Variants in USP53 observed in about 807,000 individuals in gnomAD.
USP53 encodes ubiquitin specific peptidase 53.
A neutral mutation model predicts 94.9 loss-of-function variants in USP53; 71 were observed. The observed-to-expected ratio is 0.75, with a 90% CI of 0.62 to 0.91. The LOEUF is 0.91. Ranked by LOEUF, USP53 falls within the 40% of genes least tolerant of loss-of-function variation. The pLI is 0.00. For missense variants in USP53, 1,173 were observed against 1,281.0 expected (o/e 0.92, Z 1.29); for synonymous variants, 375 against 422.7 (o/e 0.89, Z 1.39).
intron 13 of USP53, 140 bp from the exon 14 acceptor site, chr4:119,268,128 C>T: frequency 1.3e-6 from 1 of 749,242 alleles, no homozygotes; most frequent in Non-Finnish European, 2.0e-6. Flanking sequence ...GATTGCGCCA[C>T]TGCAGTCCGC....
chr4:119,239,930 A>T (rs763452634), intron 5 of USP53, 27 bp downstream of exon 5: 8 of 1,372,454 alleles, frequency 5.8e-6, no homozygotes, highest in Non-Finnish European at 7.6e-6. Context: ...TTATTACATT[A>T]AAAAAAATAC....
At chr4:119,245,217 G>A in intron 5 of USP53, 120 bp from the exon 6 acceptor site, 1 of 778,302 alleles carries the variant, frequency 1.3e-6, no homozygotes, top group Non-Finnish European at 2.2e-6. Context: ...ATTATGTACA[G>A]GCAATTAAAA....
Position 119,271,413 on chromosome 4 carries a change from A to G in USP53, c.1553A>G (p.His518Arg). The change falls in exon 16 of 19, where the codon CAT becomes CGT. Residue 518 changes from histidine to arginine, a missense_variant. Transcript: ENST00000692078. ...YHSQGKGSYK[H>R]DRVVPQSRAS... ...AGTCAAGGAAAAGGATCATATAAAC[A>G]TGACCGAGTTGTACCTCAGAGTCGA... The G allele has an allele frequency of 3.1e-6, 5 of 1,614,054 alleles. No homozygotes were observed. The highest frequency in any genetic ancestry group is 1.3e-5 in the African/African-American group (1 of 75,042).
chr4:119,259,964 T>G (rs1362495675), intron 10 of USP53, 39 bp downstream of exon 10: 1 of 1,474,462 alleles, frequency 6.8e-7, no homozygotes, highest in Admixed American at 2.0e-5. Flanking sequence ...GCTTCTTGTT[T>G]TGTAGATTTG....
chr4:119,283,535 G>T (rs1364239281), intron 17 of USP53, among the ~76,000 whole-genome samples: 1 of 151,896 alleles, frequency 6.6e-6, no homozygotes, highest in Non-Finnish European at 1.5e-5. Flanking sequence ...GTTAGATGAT[G>T]ATTGTAATAG....
intron 7 of USP53, among the ~76,000 whole-genome samples, chr4:119,251,031 T>A (rs901375483): frequency 2.6e-5 from 4 of 152,066 alleles, no homozygotes. Context: ...CATTAGGTAT[T>A]TCTCCTAATG....
At chr4:119,256,944 T>C (rs1401383666) in intron 9 of USP53, among the ~76,000 whole-genome samples, 1 of 152,126 alleles carries the variant, frequency 6.6e-6, no homozygotes, top group Non-Finnish European at 1.5e-5. Context: ...GAAAGAAAAA[T>C]GTGAGCGTAA....
chr4:119,234,359 C>G (rs1009630006), intron 3 of USP53, among the ~76,000 whole-genome samples: 2 of 152,084 alleles, frequency 1.3e-5, no homozygotes, highest in African/African-American at 4.8e-5. Context: ...TATTAGACTG[C>G]TTTTTGCTTT....
rs911698052 is a variant in USP53 at position 119,272,125 on chromosome 4, TAGAAC to T, written c.2174+96_2174+100del. ...TTTTTGAAGTTTGGGGTCAATTAAA[TAGAAC>T]AGAAACAGCATGAGCTGTTTTAAAG... is the stretch of plus-strand genomic sequence containing the variant. On this transcript the variant is annotated intron_variant, in intron 16 of 18. Coordinates refer to ENST00000692078, the MANE Select transcript of USP53 (RefSeq NM_001371395.1). The T allele has an allele frequency of 5.0e-6, 7 of 1,388,724 alleles. No homozygotes were observed. The African/African-American group carries it at 8.7e-5, about 17-fold the overall frequency. 86.0% of individuals were successfully genotyped at this position (1,388,724 alleles called of 1,614,324 possible). A position where few individuals can be genotyped will look rare whatever the true frequency, so the allele number is the denominator to read the frequency against.
intron 9 of USP53, among the ~76,000 whole-genome samples, chr4:119,259,295 A>AAG (rs1553969844): frequency 2.2e-5 from 3 of 133,594 alleles, no homozygotes; most frequent in African/African-American, 5.5e-5. Context: ...AAAAAAAAAA[A>AAG]GGGGGGGGAG....
intron 12 of USP53, among the ~76,000 whole-genome samples, chr4:119,265,987 T>G (rs1400103369): frequency 1.3e-5 from 2 of 152,232 alleles, no homozygotes; most frequent in East Asian, 3.8e-4. Context: ...ACACAGAACA[T>G]GTTCATCTGC....
At chr4:119,267,549 T>C in intron 13 of USP53, 67 bp downstream of exon 13, 2 of 1,432,490 alleles carry the variant, frequency 1.4e-6, no homozygotes. Flanking sequence ...ATACTAGTAC[T>C]CTGAATATAA....
chr4:119,261,371 A>G, intron 11 of USP53, among the ~76,000 whole-genome samples: 1 of 152,228 alleles, frequency 6.6e-6, no homozygotes, highest in East Asian at 1.9e-4. Flanking sequence ...GAACATTCAA[A>G]TATGTGATTC....
chr4:119,235,693 T>C (rs966548406), intron 4 of USP53, among the ~76,000 whole-genome samples: 1 of 152,162 alleles, frequency 6.6e-6, no homozygotes. Flanking sequence ...CACTAGACTT[T>C]ATATTACTAT....
chr4:119,257,011 T>G (rs1749854252), intron 9 of USP53, among the ~76,000 whole-genome samples: 1 of 152,226 alleles, frequency 6.6e-6, no homozygotes, highest in African/African-American at 2.4e-5. Flanking sequence ...AAATTTGCCA[T>G]GCTTGCCTGC....
At chr4:119,234,787 T>A (rs1488195787) in intron 3 of USP53, among the ~76,000 whole-genome samples, 2 of 152,188 alleles carry the variant, frequency 1.3e-5, no homozygotes, top group African/African-American at 2.4e-5. Flanking sequence ...CATTTATCCC[T>A]CAGTGGATTG....
At chr4:119,269,568 ATATATC>A (rs1561301478) in intron 14 of USP53, 117 bp from the exon 15 acceptor site, 2 of 586,660 alleles carry the variant, frequency 3.4e-6, no homozygotes, top group Non-Finnish European at 5.0e-6. Flanking sequence ...ATTGTATACT[ATATATC>A]TACATATCTA....
chr4:119,292,272 T>C, intron 18 of USP53, 66 bp from the exon 19 acceptor site: 1 of 1,433,042 alleles, frequency 7.0e-7, no homozygotes, highest in African/African-American at 1.4e-5. Flanking sequence ...AACAAATGTT[T>C]ATTTTCCCCT....
Position 119,292,926 on chromosome 4 carries a change from T to C in USP53, c.2937T>C (p.Asp979=), listed in dbSNP as rs746281418. The part of the protein sequence containing the change: ...PSLEVSTHMN[D]ERHKETFQVR... ...TAGAAGTGAGTACACATATGAATGA[T>C]GAAAGACATAAAGAAACATTTCAAG... The change falls in exon 19 of 19, where the codon GAT becomes GAC. Residue 979 remains aspartate (D), a synonymous_variant. Coordinates refer to ENST00000692078, the MANE Select transcript of USP53 (RefSeq NM_001371395.1). 2 of 1,614,092 alleles carry C rather than the reference T, an allele frequency of 1.2e-6. No individual in the cohort carries two copies. Among genetic ancestry groups the C allele is most frequent in the South Asian group, 2.2e-5 (2 of 91,080 alleles).
Sources: allele counts gnomAD v4.1 joint callset (sites outside exome capture counted in the v4.1 genomes callset), GRCh38; gene constraint gnomAD v4.1.1; transcripts MANE v1.5; gene names NCBI Gene and HGNC (gene_info 2026-07-23, HGNC 2026-07-21).